Variants in AGBL1 observed in about 807,000 individuals in gnomAD.
The protein encoded by AGBL1 is AGBL carboxypeptidase 1, also known as cytosolic carboxypeptidase 4.
Under a neutral mutation model 118.9 loss-of-function variants are expected in AGBL1, and 130 were observed. The ratio of observed to expected loss-of-function variants is 1.09; its 90% confidence interval spans 0.95 to 1.26. The LOEUF is 1.26. AGBL1 is among the 50% of genes most tolerant of loss of function. The pLI is 0.00. For synonymous variants in AGBL1, 555 were observed against 478.9 expected, an observed-to-expected ratio of 1.16 and a Z score of -2.08; for missense variants, 1,584 against 1,298.1, an observed-to-expected ratio of 1.22 and a Z score of -3.38.
intron 21 of AGBL1, among the ~76,000 whole-genome samples, chr15:86,628,382 C>T (rs2084918663): frequency 6.6e-6 from 1 of 152,182 alleles, no homozygotes; most frequent in South Asian, 2.1e-4. Context: ...AGGTATTTCT[C>T]TCTGCCTATT....
At position 86,956,217 on chromosome 15, in the gene AGBL1, T is replaced by TAGA. The variant is rs747578838; in HGVS notation, c.3222-31770_3222-31769insAGA. Reference sequence around the variant, plus strand: ...TATAGATAGGTAGATAGATGATTGATTAGATAGATAGATAGATAGATAGAT... The same window carrying TAGA: ...TATAGATAGGTAGATAGATGATTGATAGATAGATAGATAGATAGATAGATAGAT... On this transcript the variant is annotated intron_variant, in intron 23 of 24. Transcript: ENST00000441037. Among the ~76,000 whole-genome samples, 11 of 147,704 alleles carry TAGA rather than the reference T, an allele frequency of 7.4e-5. No homozygotes were observed. In the South Asian group the frequency reaches 2.4e-3, roughly 33 times the overall value.
chr15:86,414,429 T>G (rs4461044), intron 18 of AGBL1, among the ~76,000 whole-genome samples: 82,299 of 151,984 alleles, frequency 0.54, 24,408 homozygotes, highest in East Asian at 0.83. Flanking sequence ...GATGTCTAAG[T>G]GTGCTTTAAA....
At chr15:87,004,167 C>G (rs1306349931) in intron 24 of AGBL1, among the ~76,000 whole-genome samples, 3 of 152,172 alleles carry the variant, frequency 2.0e-5, no homozygotes, top group African/African-American at 4.8e-5. Flanking sequence ...TATGTTGTGT[C>G]TTTGTTCTCA....
chr15:86,922,311 G>C (rs1436532233), intron 23 of AGBL1, among the ~76,000 whole-genome samples: 1 of 152,166 alleles, frequency 6.6e-6, no homozygotes, highest in Non-Finnish European at 1.5e-5. Flanking sequence ...ATTTTTCTCA[G>C]ATGAAGTCTC....
chr15:86,696,881 T>A (rs921820159), intron 22 of AGBL1, among the ~76,000 whole-genome samples: 1 of 152,012 alleles, frequency 6.6e-6, no homozygotes, highest in Non-Finnish European at 1.5e-5. Context: ...GGATACAAAA[T>A]TCTTGGTTGA....
At chr15:86,175,319 C>T (rs1474727287) in intron 5 of AGBL1, among the ~76,000 whole-genome samples, 2 of 152,010 alleles carry the variant, frequency 1.3e-5, no homozygotes, top group Non-Finnish European at 2.9e-5. Context: ...TTCATAATAG[C>T]ATCTAATTAT....
chr15:86,739,340 G>C (rs1271908503), intron 22 of AGBL1, among the ~76,000 whole-genome samples: 6 of 151,684 alleles, frequency 4.0e-5, no homozygotes, highest in Non-Finnish European at 7.4e-5. Flanking sequence ...CTACTCAAGA[G>C]GCTGAGGCAG....
Position 86,827,456 on chromosome 15 carries a change from T to C in AGBL1, c.3159-79631T>C, listed in dbSNP as rs71408863. Among the ~76,000 whole-genome samples the C allele has an allele frequency of 6.8e-3, 68 of 9,978 alleles. 12 individuals carry two copies. The highest frequency in any genetic ancestry group is 0.013 in the African/African-American group (13 of 998). The allele number at this position is 9,978 out of a possible 152,430, so 6.5% of individuals were successfully genotyped here. On this transcript the variant is annotated intron_variant, in intron 22 of 22. Transcript: ENST00000614907. ...ACATATATATATGTGTGTGTATATATATATATATATATACATATATATATA... is the reference window on the plus strand; with the variant it reads ...ACATATATATATGTGTGTGTATATACATATATATATATACATATATATATA...
rs1255783069 is a variant in AGBL1, at chr15:86,154,528, T to C, written c.361T>C (p.Cys121Arg). The C allele has an allele frequency of 1.2e-6, 2 of 1,612,710 alleles. No individual in the cohort carries two copies. Among genetic ancestry groups the C allele is most frequent in the East Asian group, 2.2e-5 (1 of 44,786 alleles). Residue 121 changes from cysteine (C) to arginine (R), a missense_variant, in exon 4 of 23, where the codon TGT becomes CGT. Cys to Arg is a radical substitution (Grantham distance 180). Coordinates refer to ENST00000614907, the MANE Select transcript of AGBL1 (RefSeq NM_001386094.1). ...NLSHGQNLLH[C>R]LWALRVFASS... is the part of the protein sequence containing the mutation. ...ATCCCATGGCCAGAATCTCCTCCACTGTCTCTGGGCTCTGCGTGTGTTTGC... is the reference window on the plus strand; with the variant it reads ...ATCCCATGGCCAGAATCTCCTCCACCGTCTCTGGGCTCTGCGTGTGTTTGC...
intron 18 of AGBL1, among the ~76,000 whole-genome samples, chr15:86,472,100 T>TC (rs1246543995): frequency 6.6e-6 from 1 of 152,110 alleles, no homozygotes; most frequent in Non-Finnish European, 1.5e-5. Context: ...GGTAGGATCC[T>TC]CCCCTAGAGA....
At chr15:86,133,278 T>C (rs16948558) in intron 1 of AGBL1, among the ~76,000 whole-genome samples, 6,730 of 152,286 alleles carry the variant, frequency 0.044, 488 homozygotes, top group African/African-American at 0.15. Context: ...CTTTGCATAC[T>C]AGCCTCTTTT....
chr15:87,010,226 T>C (rs2081544509), intron 24 of AGBL1, among the ~76,000 whole-genome samples: 1 of 152,136 alleles, frequency 6.6e-6, no homozygotes, highest in Admixed American at 6.5e-5. Flanking sequence ...TGATAGTGAA[T>C]AAGTCTCATG....
intron 18 of AGBL1, among the ~76,000 whole-genome samples, chr15:86,433,626 G>T (rs2142042649): frequency 6.6e-6 from 1 of 152,250 alleles, no homozygotes. Flanking sequence ...GTTCCCATGA[G>T]AACTCTGGCA....
At chr15:86,120,430 TG>T (rs1243436528) in intron 1 of AGBL1, among the ~76,000 whole-genome samples, 1 of 152,204 alleles carries the variant, frequency 6.6e-6, no homozygotes, top group African/African-American at 2.4e-5. Flanking sequence ...TGTCCCCTCC[TG>T]GAGACACTTT....
intron 21 of AGBL1, among the ~76,000 whole-genome samples, chr15:86,625,365 G>GTTTTTTTT (rs1176940848): frequency 1.6e-5 from 2 of 123,074 alleles, no homozygotes; most frequent in African/African-American, 6.2e-5. Context: ...AGAAATTAGC[G>GTTTTTTTT]TTTTTTTTTT....
chr15:86,853,048 A>C (rs1003760677), intron 22 of AGBL1, among the ~76,000 whole-genome samples: 1 of 148,350 alleles, frequency 6.7e-6, no homozygotes, highest in Non-Finnish European at 1.5e-5. Context: ...GGAAAGTTCC[A>C]AAAAAAATCT....
chr15:86,413,410 T>C (rs188919492), intron 18 of AGBL1, among the ~76,000 whole-genome samples: 43 of 152,266 alleles, frequency 2.8e-4, no homozygotes, highest in Non-Finnish European at 2.6e-4. Context: ...AACGCAGGAT[T>C]GAGTGGTAGT....
At chr15:86,158,876 C>T in intron 4 of AGBL1, 57 bp from the exon 5 acceptor site, 2 of 1,499,262 alleles carry the variant, frequency 1.3e-6, no homozygotes, top group Non-Finnish European at 1.9e-6. Context: ...TCCAAGTTGT[C>T]TTGAGCCTTA....
In AGBL1 at chr15:86,264,730, G is replaced by T; in HGVS notation, c.1559G>T (p.Arg520Ile). ...TATCTTTATATGGCCAAAGCCAGAA[G>T]AACCAGCTCTGTGGTGGACTTCAAG... ...DPYLYMAKAR[R>I]TSSVVDFKMM... is the part of the protein sequence containing the mutation. Residue 520 changes from arginine (R) to isoleucine (I), a missense_variant, in exon 11 of 23, where the codon AGA becomes ATA. Physicochemically the swap from Arg to Ile is moderately conservative, Grantham distance 97. Coordinates refer to ENST00000614907, the MANE Select transcript of AGBL1 (RefSeq NM_001386094.1). 6.2e-7 allele frequency: 1 copy of T among 1,614,046 alleles called. No homozygotes were observed. Among genetic ancestry groups the T allele is most frequent in the Non-Finnish European group, 8.5e-7 (1 of 1,179,902 alleles).
Sources: gnomAD v4.1 joint callset for allele counts (sites outside exome capture counted in the v4.1 genomes callset) on GRCh38, gnomAD v4.1.1 for gene constraint, MANE v1.5 for transcripts, NCBI Gene and HGNC (gene_info 2026-07-23, HGNC 2026-07-21) for gene names.